The following UACA variants were observed in gnomAD, a reference collection of about 807,000 sequenced individuals.
UACA encodes the protein uveal autoantigen with coiled-coil domains and ankyrin repeats.
A neutral mutation model predicts 160.5 loss-of-function variants in UACA; 112 were observed. That is an observed-to-expected ratio of 0.70 (90% CI 0.60 to 0.82). The LOEUF (loss-of-function observed/expected upper bound fraction) is 0.82, where lower values mean the gene tolerates loss of function less well. Among genes scored for constraint, UACA ranks in the 40% least tolerant of loss-of-function variants. The pLI, the probability that UACA is intolerant of heterozygous loss-of-function variation, is 0.00. For missense variants in UACA, 1,574 were observed against 1,614.6 expected (o/e 0.97, Z 0.43); for synonymous variants, 557 against 568.4 (o/e 0.98, Z 0.29).
At chr15:70,720,442 C>T (rs1898955295) in intron 1 of UACA, among the ~76,000 whole-genome samples, 1 of 152,120 alleles carries the variant, frequency 6.6e-6, no homozygotes, top group Non-Finnish European at 1.5e-5. Flanking sequence ...CAAAGTGCTA[C>T]TACAGGCATG....
intron 5 of UACA, among the ~76,000 whole-genome samples, chr15:70,689,923 A>T (rs1194079232): frequency 6.6e-6 from 1 of 152,170 alleles, no homozygotes; most frequent in African/African-American, 2.4e-5. Context: ...AAAGGAAAAC[A>T]ACTACCACCA....
intron 1 of UACA, among the ~76,000 whole-genome samples, chr15:70,713,998 C>G (rs1435260045): frequency 1.3e-5 from 2 of 152,072 alleles, no homozygotes; most frequent in Admixed American, 1.3e-4. Flanking sequence ...AAATATATAT[C>G]CTAAATAAAA....
At chr15:70,738,633 C>T (rs1241990448) in intron 1 of UACA, among the ~76,000 whole-genome samples, 2 of 152,042 alleles carry the variant, frequency 1.3e-5, no homozygotes, top group African/African-American at 2.4e-5. Context: ...GGTTTTAAAA[C>T]ATGAAGACAA....
intron 1 of UACA, among the ~76,000 whole-genome samples, chr15:70,752,778 TAC>T (rs922443304): frequency 4.0e-5 from 6 of 151,584 alleles, no homozygotes; most frequent in African/African-American, 1.2e-4. Context: ...CAGTTGTAGA[TAC>T]ACACACACAC....
the UACA span, among the ~76,000 whole-genome samples, chr15:70,774,108 A>T: frequency 1.8e-4 from 28 of 152,220 alleles, no homozygotes; most frequent in Non-Finnish European, 3.4e-4. Flanking sequence ...GTTTATTGAG[A>T]TATTACCATG....
intron 3 of UACA, among the ~76,000 whole-genome samples, chr15:70,693,126 A>G (rs1897998000): frequency 6.6e-6 from 1 of 152,222 alleles, no homozygotes; most frequent in Non-Finnish European, 1.5e-5. Context: ...ATGTAAAGTA[A>G]GAGATAGCAT....
intron 1 of UACA, chr15:70,702,165 G>A: frequency 7.9e-7 from 1 of 1,259,956 alleles, no homozygotes; most frequent in South Asian, 2.5e-5. Flanking sequence ...CCCAAGTCAG[G>A]TACAGTAACT....
chr15:70,724,927 A>G (rs1899100026), intron 1 of UACA, among the ~76,000 whole-genome samples: 1 of 152,034 alleles, frequency 6.6e-6, no homozygotes, highest in African/African-American at 2.4e-5. Context: ...TACAAAAAAA[A>G]AAAAAAAAAT....
At chr15:70,739,089 T>C (rs1899453683) in intron 1 of UACA, among the ~76,000 whole-genome samples, 1 of 152,230 alleles carries the variant, frequency 6.6e-6, no homozygotes, top group South Asian at 2.1e-4. Context: ...GCAAAGACTA[T>C]GGATCCAGGC....
intron 18 of UACA, among the ~76,000 whole-genome samples, chr15:70,657,376 T>C (rs112272317): frequency 0.016 from 2,473 of 151,922 alleles, 61 homozygotes; most frequent in African/African-American, 0.058. Context: ...TTTGGGAGGC[T>C]GAGGTGGGTG....
intron 1 of UACA, among the ~76,000 whole-genome samples, chr15:70,741,271 C>G (rs986068997): frequency 6.6e-6 from 1 of 152,314 alleles, no homozygotes; most frequent in African/African-American, 2.4e-5. Context: ...CAAGGTCTGT[C>G]CTGTACTAAG....
intron 1 of UACA, among the ~76,000 whole-genome samples, chr15:70,749,593 G>A (rs528170994): frequency 6.6e-6 from 1 of 150,806 alleles, no homozygotes; most frequent in East Asian, 2.0e-4. Flanking sequence ...CAGCTACTCA[G>A]GAGGCTGAGG....
At position 70,763,465 on chromosome 15, in the gene UACA, A is replaced by T; in HGVS notation, c.-58T>A. ...TAAAGGCTGCGGAGTGCCAGCGCGC[A>T]AGGAGTAGACGGCAGCGGCTGCAGC... On this transcript the variant is annotated 5_prime_UTR_variant, in exon 1 of 19. Coordinates refer to ENST00000322954, the MANE Select transcript of UACA (RefSeq NM_018003.4). 7.8e-7 allele frequency: 1 copy of T among 1,274,382 alleles called. No individual in the cohort carries two copies. Among genetic ancestry groups the T allele is most frequent in the Non-Finnish European group, 1.0e-6 (1 of 1,001,644 alleles). The allele number at this position is 1,274,382 out of a possible 1,614,324, so 78.9% of individuals were successfully genotyped here.
intron 1 of UACA, among the ~76,000 whole-genome samples, chr15:70,753,483 G>C (rs1270828225): frequency 6.6e-6 from 1 of 152,102 alleles, no homozygotes; most frequent in Non-Finnish European, 1.5e-5. Flanking sequence ...CATTAAATTT[G>C]AAACATCAGT....
intron 1 of UACA, among the ~76,000 whole-genome samples, chr15:70,727,166 C>T (rs927114520): frequency 6.6e-6 from 1 of 152,024 alleles, no homozygotes; most frequent in African/African-American, 2.4e-5. Context: ...AATACATAAT[C>T]GCAGCTTTTA....
intron 1 of UACA, among the ~76,000 whole-genome samples, chr15:70,700,314 T>TAC (rs1167525890): frequency 7.0e-6 from 1 of 143,282 alleles, no homozygotes; most frequent in African/African-American, 2.9e-5. Flanking sequence ...TATATATATA[T>TAC]ATATACACAC....
At chr15:70,762,906 AGCCCCG>A (rs1438550686) in intron 1 of UACA, among the ~76,000 whole-genome samples, 1 of 152,062 alleles carries the variant, frequency 6.6e-6, no homozygotes, top group Admixed American at 6.5e-5. Context: ...ACCTGGTGCG[AGCCCCG>A]GCCCCGGGGA....
intron 1 of UACA, among the ~76,000 whole-genome samples, chr15:70,739,960 C>T (rs1899477909): frequency 6.6e-6 from 1 of 152,126 alleles, no homozygotes; most frequent in South Asian, 2.1e-4. Flanking sequence ...AAATGTAAAA[C>T]ACAGCACAGA....
intron 1 of UACA, among the ~76,000 whole-genome samples, chr15:70,750,348 C>G (rs2029969229): frequency 6.6e-6 from 1 of 151,924 alleles, no homozygotes; most frequent in South Asian, 2.1e-4. Context: ...ATTTTTAAAG[C>G]TATTCCAAGA....
Sources: allele counts gnomAD v4.1 joint callset (sites outside exome capture counted in the v4.1 genomes callset), GRCh38; gene constraint gnomAD v4.1.1; transcripts MANE v1.5; gene names NCBI Gene and HGNC (gene_info 2026-07-23, HGNC 2026-07-21).